Variants in SLC22A5 observed in about 807,000 individuals in gnomAD.
SLC22A5 encodes solute carrier family 22 member 5, also known as organic cation/carnitine transporter 2.
In SLC22A5, 44 loss-of-function variants were observed where a neutral mutation model predicts 56.7. The ratio of observed to expected loss-of-function variants is 0.78; its 90% CI spans 0.61 to 1.00. The LOEUF is 1.00. SLC22A5 is among the 50% of genes least tolerant of loss of function. SLC22A5 has a pLI of 0.00. For missense variants in SLC22A5, 675 were observed against 723.0 expected (o/e 0.93, Z 0.76); for synonymous variants, 278 against 292.1 (o/e 0.95, Z 0.49).
chr5:132,385,543 T>C, intron 4 of SLC22A5, 44 bp downstream of exon 4: 1 of 1,570,146 alleles, frequency 6.4e-7, no homozygotes, highest in Non-Finnish European at 8.8e-7. Context: ...GCAGGATGAT[T>C]TCTGTCTGGC....
chr5:132,389,146 A>G (rs1752623805), intron 6 of SLC22A5, 125 bp downstream of exon 6: 1 of 711,496 alleles, frequency 1.4e-6, no homozygotes, highest in Non-Finnish European at 2.6e-6. Flanking sequence ...TGAAAAGGAT[A>G]TGTCTTGTGT....
intron 2 of SLC22A5, chr5:132,381,177 A>C (rs1161262711): frequency 6.6e-6 from 1 of 152,236 alleles, no homozygotes; most frequent in Non-Finnish European, 1.5e-5. Flanking sequence ...TGAGGAAAGC[A>C]TTTAAGTTCC....
intron 1 of SLC22A5, among the ~76,000 whole-genome samples, chr5:132,373,979 G>A (rs1223442125): frequency 6.6e-6 from 1 of 152,140 alleles, no homozygotes; most frequent in Non-Finnish European, 1.5e-5. Flanking sequence ...AGCACTTTGG[G>A]AGGCTGAGGC....
At chr5:132,392,956 C>A (rs1297988689) in intron 8 of SLC22A5, among the ~76,000 whole-genome samples, 1 of 152,154 alleles carries the variant, frequency 6.6e-6, no homozygotes, top group Non-Finnish European at 1.5e-5. Flanking sequence ...GGAGAAATTT[C>A]TTGGAATCAG....
chr5:132,375,419 G>A (rs1752104810), intron 1 of SLC22A5, among the ~76,000 whole-genome samples: 1 of 152,194 alleles, frequency 6.6e-6, no homozygotes, highest in Non-Finnish European at 1.5e-5. Context: ...TCTGACTGTT[G>A]ATACGGTCAG....
Position 132,394,802 on chromosome 5 carries a change from T to C in SLC22A5, c.*530T>C. 6.1e-6 allele frequency: 1 copy of C among 164,764 alleles called. No individual in the cohort carries two copies. Among genetic ancestry groups the C allele is most frequent in the Non-Finnish European group, 1.3e-5 (1 of 75,194 alleles). The allele number at this position is 164,764 out of a possible 1,614,324, so 10.2% of individuals were successfully genotyped here. ...TCCCCAGGGCAGGAGAGCGCAGAGC[T>C]AGGGAAAGTGAAAGGTAATGAAGAT... On this transcript the variant is annotated 3_prime_UTR_variant, in exon 10 of 10. Transcript: ENST00000245407.
chr5:132,374,696 C>T (rs977275878), intron 1 of SLC22A5, among the ~76,000 whole-genome samples: 2 of 151,918 alleles, frequency 1.3e-5, no homozygotes, highest in Non-Finnish European at 2.9e-5. Context: ...CTCTAGCTAG[C>T]TGACACCTGT....
At chr5:132,383,722 G>C (rs1313990030) in intron 2 of SLC22A5, 1 of 257,238 alleles carries the variant, frequency 3.9e-6, no homozygotes, top group Admixed American at 5.1e-5. Flanking sequence ...ATTGGTTGCT[G>C]TTCACATAGT....
At chr5:132,380,377 C>T (rs1054140024) in intron 2 of SLC22A5, 4 of 151,494 alleles carry the variant, frequency 2.6e-5, no homozygotes, top group African/African-American at 4.9e-5. Context: ...GCTTCAGCCA[C>T]AGAGCAGCGG....
At chr5:132,381,814 G>C (rs550349221) in intron 2 of SLC22A5, 63 of 152,270 alleles carry the variant, frequency 4.1e-4, no homozygotes, top group African/African-American at 1.4e-3. Flanking sequence ...AAACATTTCT[G>C]GCCCCAACCC....
intron 4 of SLC22A5, among the ~76,000 whole-genome samples, chr5:132,386,057 C>T (rs7731390): frequency 6.6e-6 from 1 of 152,166 alleles, no homozygotes; most frequent in Non-Finnish European, 1.5e-5. Context: ...GAGCAGAGAG[C>T]ATTTCAGGGC....
Position 132,390,789 on chromosome 5 carries a change from C to T in SLC22A5, c.1152C>T (p.Val384=), listed in dbSNP as rs749413889. The change falls in exon 7 of 10, where the codon GTC becomes GTT. Residue 384 remains valine, a synonymous_variant. Coordinates refer to ENST00000245407, the MANE Select transcript of SLC22A5 (RefSeq NM_003060.4). ...VNCFLSAMVE[V]PAYVLAWLLL... is the part of the protein sequence containing the mutation. The stretch of plus-strand genomic sequence containing the variant: ...GCTTCCTTTCAGCGATGGTTGAAGT[C>T]CCAGCATATGTGTTGGCCTGGCTGC... The T allele has an allele frequency of 1.2e-6, 2 of 1,614,088 alleles. No individual in the cohort carries two copies. Among genetic ancestry groups the T allele is most frequent in the Non-Finnish European group, 1.7e-6 (2 of 1,180,032 alleles).
At chr5:132,386,938 T>C in intron 4 of SLC22A5, 87 bp from the exon 5 acceptor site, 1 of 1,419,382 alleles carries the variant, frequency 7.0e-7, no homozygotes, top group African/African-American at 1.4e-5. Context: ...TCTGCAACCT[T>C]ATTCCCACCT....
At chr5:132,377,507 T>C (rs1176959702) in intron 1 of SLC22A5, 1 of 152,384 alleles carries the variant, frequency 6.6e-6, no homozygotes, top group African/African-American at 2.4e-5. Flanking sequence ...GCTTTCTTCC[T>C]GCTTTTGGCT....
At chr5:132,390,552 G>A (rs955399226) in intron 6 of SLC22A5, 138 bp from the exon 7 acceptor site, 4 of 745,332 alleles carry the variant, frequency 5.4e-6, no homozygotes, top group Middle Eastern at 2.4e-4. Context: ...AAGACGCAGG[G>A]TTACAGTTAC....
intron 1 of SLC22A5, among the ~76,000 whole-genome samples, chr5:132,373,296 G>A (rs1289891258): frequency 2.0e-5 from 3 of 152,146 alleles, no homozygotes; most frequent in Non-Finnish European, 4.4e-5. Flanking sequence ...CCACATGGAT[G>A]TGGAATGAGG....
At chr5:132,376,691 T>G (rs1240825906) in intron 1 of SLC22A5, 1 of 152,262 alleles carries the variant, frequency 6.6e-6, no homozygotes, top group Non-Finnish European at 1.5e-5. Context: ...GTTTTCATCT[T>G]TTCCACTATA....
chr5:132,385,860 T>G (rs1291822575), intron 4 of SLC22A5, among the ~76,000 whole-genome samples: 1 of 152,274 alleles, frequency 6.6e-6, no homozygotes. Flanking sequence ...CCACAGGCAC[T>G]GGCACCAAAA....
intron 1 of SLC22A5, among the ~76,000 whole-genome samples, chr5:132,375,730 A>G (rs1487637810): frequency 6.6e-6 from 1 of 152,194 alleles, no homozygotes; most frequent in Non-Finnish European, 1.5e-5. Flanking sequence ...CACCACTAGA[A>G]AGGTGCATTT....
Sources: gnomAD v4.1 joint callset for allele counts (sites outside exome capture counted in the v4.1 genomes callset) on GRCh38, gnomAD v4.1.1 for gene constraint, MANE v1.5 for transcripts, NCBI Gene and HGNC (gene_info 2026-07-23, HGNC 2026-07-21) for gene names.